Variants in PCLO observed in about 807,000 individuals in gnomAD.
The protein encoded by PCLO is protein piccolo.
Under a neutral mutation model 427.5 loss-of-function variants are expected in PCLO, and 82 were observed. That is an observed-to-expected ratio of 0.19 (90% confidence interval 0.16 to 0.23). The LOEUF (loss-of-function observed/expected upper bound fraction) is 0.23, where lower values mean the gene tolerates loss of function less well. PCLO is among the 10% of genes least tolerant of loss of function. The pLI is 1.00. For missense variants in PCLO, 6,239 were observed against 6,115.9 expected, an observed-to-expected ratio of 1.02 and a Z score of -0.67; for synonymous variants, 2,357 against 2,155.4, an observed-to-expected ratio of 1.09 and a Z score of -2.59.
chr7:83,046,103 G>T (rs970701595), intron 3 of PCLO, among the ~76,000 whole-genome samples: 1 of 151,860 alleles, frequency 6.6e-6, no homozygotes, highest in African/African-American at 2.4e-5. Flanking sequence ...ATCTCCTCTT[G>T]TTGTAAGAAC....
At chr7:83,133,866 T>G (rs1791637547) in intron 3 of PCLO, among the ~76,000 whole-genome samples, 1 of 151,932 alleles carries the variant, frequency 6.6e-6, no homozygotes, top group Admixed American at 6.6e-5. Context: ...TATTAAAACC[T>G]TTTATCTGGA....
At chr7:82,833,074 A>G (rs1435416052) in intron 16 of PCLO, among the ~76,000 whole-genome samples, 1 of 152,122 alleles carries the variant, frequency 6.6e-6, no homozygotes, top group Non-Finnish European at 1.5e-5. Context: ...ATATTCAGTG[A>G]TCCTTAGAAC....
rs1421036100 is a variant in PCLO at position 82,951,910 on chromosome 7, A to T, written c.9043T>A (p.Tyr3015Asn). Reference sequence around the variant, plus strand: ...ACTGCTGTGTCAGTTCCTTCAGAATAATCAAAAGCATTCTTACTTTTATAG... The same window carrying T: ...ACTGCTGTGTCAGTTCCTTCAGAATTATCAAAAGCATTCTTACTTTTATAG... ...FFYKSKNAFDYSEGTDTAVDL... is the reference protein window; with the variant it reads ...FFYKSKNAFDNSEGTDTAVDL... The change falls in exon 5 of 25, where the codon TAT becomes AAT. Residue 3015 changes from tyrosine (Y) to asparagine (N), a missense_variant. This residue lies in a region of PCLO where 4,677 missense variants were observed against 4,468.4 expected (regional missense o/e 1.05). Transcript: ENST00000333891. 6.2e-7 allele frequency: 1 copy of T among 1,613,762 alleles called. No individual in the cohort carries two copies. The highest frequency in any genetic ancestry group is 1.7e-5 in the Admixed American group (1 of 60,000).
intron 18 of PCLO, among the ~76,000 whole-genome samples, chr7:82,826,068 G>A (rs1405111856): frequency 6.6e-6 from 1 of 151,158 alleles, no homozygotes; most frequent in African/African-American, 2.4e-5. Flanking sequence ...TGGGGTATAT[G>A]AGATATTCTG....
At chr7:83,153,292 C>G (rs1554405438) in intron 2 of PCLO, among the ~76,000 whole-genome samples, 6 of 151,326 alleles carry the variant, frequency 4.0e-5, no homozygotes, top group Non-Finnish European at 8.8e-5. Context: ...GCAGCATATT[C>G]TTATTAATTG....
At chr7:82,849,181 T>C (rs776401363) in intron 10 of PCLO, among the ~76,000 whole-genome samples, 1 of 152,174 alleles carries the variant, frequency 6.6e-6, no homozygotes, top group Non-Finnish European at 1.5e-5. Flanking sequence ...AATTTACCTG[T>C]TCATTCTTCA....
At chr7:83,060,756 C>T (rs182190566) in intron 3 of PCLO, among the ~76,000 whole-genome samples, 12 of 152,240 alleles carry the variant, frequency 7.9e-5, no homozygotes, top group Non-Finnish European at 1.2e-4. Context: ...AAAAATAGTG[C>T]ACTGAAGCAC....
At chr7:82,865,719 A>T (rs1793075834) in intron 10 of PCLO, among the ~76,000 whole-genome samples, 1 of 152,100 alleles carries the variant, frequency 6.6e-6, no homozygotes, top group Non-Finnish European at 1.5e-5. Context: ...ACATATTGAG[A>T]TCATTTTCAT....
intron 3 of PCLO, among the ~76,000 whole-genome samples, chr7:83,083,919 A>G (rs1790166888): frequency 6.6e-6 from 1 of 152,142 alleles, no homozygotes; most frequent in African/African-American, 2.4e-5. Context: ...GAGTGAATAT[A>G]ATTTTTAAAA....
At chr7:82,949,256 TACACACACACACACACACAAGCGC>T (rs948616636) in intron 6 of PCLO, among the ~76,000 whole-genome samples, 196 bp downstream of exon 6, 7 of 149,702 alleles carry the variant, frequency 4.7e-5, no homozygotes, top group Non-Finnish European at 8.9e-5. Flanking sequence ...TATGGTTTCC[TACACACACACACACACACAAGCGC>T]ACACACACAC....
Position 83,018,877 on chromosome 7 carries a change from C to T in PCLO, c.3301-52390G>A, listed in dbSNP as rs534605225. 2.0e-5 allele frequency among the ~76,000 whole-genome samples: 3 copies of T among 152,098 alleles called. 1 individual carries two copies. The highest frequency in any genetic ancestry group is 2.0e-4 in the Admixed American group (3 of 15,250). On this transcript the variant is annotated intron_variant, in intron 3 of 24. Coordinates refer to ENST00000333891, the MANE Select transcript of PCLO (RefSeq NM_033026.6). ...AGTTTAAAGTATTCTGTGTTTTACA[C>T]ATTACCTTCTTTTGGATTTTGTTAG...
intron 3 of PCLO, among the ~76,000 whole-genome samples, chr7:83,051,129 G>C (rs1417481217): frequency 1.3e-5 from 2 of 151,976 alleles, no homozygotes; most frequent in Non-Finnish European, 2.9e-5. Flanking sequence ...GAGAAACTAA[G>C]ACACTATTCC....
intron 22 of PCLO, among the ~76,000 whole-genome samples, chr7:82,789,312 A>T (rs1466191328): frequency 5.3e-5 from 8 of 152,228 alleles, no homozygotes; most frequent in African/African-American, 1.9e-4. Flanking sequence ...ATTCAATTAG[A>T]TTCTTAAATC....
At chr7:83,073,839 AT>A (rs1025198957) in intron 3 of PCLO, among the ~76,000 whole-genome samples, 10 of 151,062 alleles carry the variant, frequency 6.6e-5, no homozygotes, top group Non-Finnish European at 1.3e-4. Context: ...AATAATAAAA[AT>A]TTTTTATTGA....
intron 2 of PCLO, among the ~76,000 whole-genome samples, chr7:83,151,266 T>C (rs961327645): frequency 1.3e-5 from 2 of 152,218 alleles, no homozygotes; most frequent in African/African-American, 4.8e-5. Flanking sequence ...TGTCTTTAGA[T>C]GGCTGCCTCA....
At chr7:83,106,059 C>A (rs886119618) in intron 3 of PCLO, among the ~76,000 whole-genome samples, 5 of 152,186 alleles carry the variant, frequency 3.3e-5, no homozygotes, top group Non-Finnish European at 7.3e-5. Context: ...CTAAAGAGAT[C>A]GAGATGCAGA....
chr7:83,156,533 C>T, intron 1 of PCLO, 141 bp from the exon 2 acceptor site: 5 of 476,562 alleles, frequency 1.0e-5, no homozygotes, highest in East Asian at 3.1e-5. Context: ...TTTGTAGCAT[C>T]CTTTAAGTGA....
intron 6 of PCLO, among the ~76,000 whole-genome samples, chr7:82,934,558 T>C (rs1407314976): frequency 6.6e-6 from 1 of 151,752 alleles, no homozygotes; most frequent in African/African-American, 2.4e-5. Flanking sequence ...GCTTGACAAG[T>C]ATGTGTTCTA....
chr7:82,971,486 T>C (rs1795902583), intron 3 of PCLO, among the ~76,000 whole-genome samples: 2 of 149,002 alleles, frequency 1.3e-5, no homozygotes, highest in South Asian at 2.1e-4. Flanking sequence ...GTCTATTATA[T>C]CAAATTTTAT....
Sources: allele counts gnomAD v4.1 joint callset (sites outside exome capture counted in the v4.1 genomes callset), GRCh38; gene constraint gnomAD v4.1.1; regional missense constraint gnomAD v4.1.1; transcripts MANE v1.5; gene names NCBI Gene and HGNC (gene_info 2026-07-23, HGNC 2026-07-21).